DOCK8: variants seen among roughly 807,000 people sequenced by gnomAD.
DOCK8 encodes dedicator of cytokinesis 8, also known as dedicator of cytokinesis protein 8.
In DOCK8, 141 loss-of-function variants were observed where a neutral mutation model predicts 245.6. The observed-to-expected ratio is 0.57, with a 90% CI of 0.50 to 0.66. DOCK8 has a LOEUF of 0.66. Ranked by LOEUF, DOCK8 falls within the 30% of genes least tolerant of loss-of-function variation. The pLI, the probability that DOCK8 is intolerant of heterozygous loss-of-function variation, is 0.00. For missense variants in DOCK8, 2,965 were observed against 2,603.4 expected, an observed-to-expected ratio of 1.14 and a Z score of -3.02; for synonymous variants, 1,168 against 970.2, an observed-to-expected ratio of 1.20 and a Z score of -3.79.
At chr9:435,247 T>G (rs929861007) in intron 39 of DOCK8, among the ~76,000 whole-genome samples, 1 of 152,222 alleles carries the variant, frequency 6.6e-6, no homozygotes, top group Admixed American at 6.5e-5. Context: ...TACATTTGCT[T>G]CTTCTAATTG....
intron 14 of DOCK8, among the ~76,000 whole-genome samples, chr9:358,430 A>C (rs1351462424): frequency 6.6e-6 from 1 of 152,208 alleles, no homozygotes; most frequent in Non-Finnish European, 1.5e-5. Context: ...GCAGTTATAG[A>C]GGTTATATAA....
At chr9:246,036 A>G (rs1563837034) in intron 1 of DOCK8, among the ~76,000 whole-genome samples, 1 of 152,216 alleles carries the variant, frequency 6.6e-6, no homozygotes, top group South Asian at 2.1e-4. Context: ...CCTGGGCAAC[A>G]TGGTGAAACC....
chr9:434,108 A>G (rs2056813396), intron 38 of DOCK8, 133 bp downstream of exon 38: 4 of 711,484 alleles, frequency 5.6e-6, no homozygotes, highest in Non-Finnish European at 1.0e-5. Context: ...AATATATAGA[A>G]ATTAAACATT....
intron 5 of DOCK8, among the ~76,000 whole-genome samples, chr9:311,297 A>G (rs1013764200): frequency 1.3e-5 from 2 of 151,808 alleles, no homozygotes; most frequent in Non-Finnish European, 2.9e-5. Flanking sequence ...AAAAAAAAAA[A>G]AAGGTAATCA....
intron 1 of DOCK8, among the ~76,000 whole-genome samples, chr9:219,449 G>A (rs578062): frequency 0.18 from 26,849 of 151,900 alleles, 2,949 homozygotes; most frequent in East Asian, 0.33. Flanking sequence ...CAGCCTGGGC[G>A]ACAGAGTGAC....
At chr9:421,984 C>T in intron 32 of DOCK8, 64 bp from the exon 33 acceptor site, 1 of 1,401,402 alleles carries the variant, frequency 7.1e-7, no homozygotes, top group Admixed American at 1.7e-5. Context: ...TTGTTATGAA[C>T]TTCTGGTTAT....
At chr9:228,172 C>G (rs577875459) in intron 1 of DOCK8, among the ~76,000 whole-genome samples, 4 of 152,248 alleles carry the variant, frequency 2.6e-5, no homozygotes, top group African/African-American at 4.8e-5. Context: ...AAGGCCCCTA[C>G]AAGGCTGTGA....
chr9:400,355 CCTCCACCATCACCACCTCCTTCACCAT>C (rs2054843438), intron 26 of DOCK8, among the ~76,000 whole-genome samples: 3 of 68,182 alleles, frequency 4.4e-5, no homozygotes, highest in African/African-American at 1.3e-4. Context: ...ACCACCACCT[CCTCCACCATCACCACCTCCTTCACCAT>C]CACCATCACC....
In DOCK8 at chr9:357,136, G is replaced by A. The variant is rs143002888; in HGVS notation, c.1680-10882G>A. ...TTTCTAAAAGATAGCATTCTTGAGGGTCTGCTTTATTTAGCAGAAGGAATG... is the reference window on the plus strand; with the variant it reads ...TTTCTAAAAGATAGCATTCTTGAGGATCTGCTTTATTTAGCAGAAGGAATG... On this transcript the variant is annotated intron_variant, in intron 14 of 47. Transcript: ENST00000432829. Among the ~76,000 whole-genome samples the A allele has an allele frequency of 5.5e-3, 832 of 152,260 alleles. 15 individuals carry two copies. The highest frequency in any genetic ancestry group is 0.019 in the African/African-American group (774 of 41,538).
chr9:308,379 G>T (rs1262261578), intron 5 of DOCK8, among the ~76,000 whole-genome samples: 2 of 152,142 alleles, frequency 1.3e-5, no homozygotes, highest in East Asian at 3.8e-4. Context: ...TACAAAAGTT[G>T]TTTGTTTTGA....
intron 14 of DOCK8, among the ~76,000 whole-genome samples, chr9:361,182 G>A (rs531542081): frequency 2.4e-4 from 36 of 152,168 alleles, no homozygotes; most frequent in Non-Finnish European, 4.1e-4. Context: ...AAAAGAGGCT[G>A]TGACAGAGGA....
chr9:343,705 C>T (rs939433363), intron 14 of DOCK8, among the ~76,000 whole-genome samples: 7 of 152,130 alleles, frequency 4.6e-5, no homozygotes, highest in African/African-American at 1.7e-4. Context: ...TCTCAGGATG[C>T]AGTAGTTTCG....
intron 22 of DOCK8, among the ~76,000 whole-genome samples, chr9:386,127 G>A (rs951571996): frequency 7.9e-5 from 12 of 152,252 alleles, no homozygotes; most frequent in African/African-American, 1.2e-4. Flanking sequence ...AACTATTAAC[G>A]GGTGTTGTCT....
intron 1 of DOCK8, among the ~76,000 whole-genome samples, chr9:270,003 G>T (rs769577327): frequency 6.6e-6 from 1 of 152,088 alleles, no homozygotes; most frequent in Non-Finnish European, 1.5e-5. Flanking sequence ...CAGCATATGC[G>T]TGCTCCAGTT....
chr9:279,524 A>C (rs2048490664), intron 2 of DOCK8, among the ~76,000 whole-genome samples: 1 of 152,206 alleles, frequency 6.6e-6, no homozygotes, highest in Non-Finnish European at 1.5e-5. Context: ...ACGAACTGTC[A>C]CAATTTGCCT....
chr9:415,789 G>T (rs1369934375), intron 29 of DOCK8, among the ~76,000 whole-genome samples: 1 of 152,056 alleles, frequency 6.6e-6, no homozygotes, highest in African/African-American at 2.4e-5. Flanking sequence ...TGCTCTCTTG[G>T]CAGCTGAAGG....
At chr9:294,984 A>T (rs1164083702) in intron 4 of DOCK8, among the ~76,000 whole-genome samples, 2 of 152,096 alleles carry the variant, frequency 1.3e-5, no homozygotes, top group Non-Finnish European at 2.9e-5. Context: ...ACATGGTGAA[A>T]CCCCGTCTCT....
intron 14 of DOCK8, among the ~76,000 whole-genome samples, chr9:344,509 G>A (rs1049292919): frequency 6.6e-6 from 1 of 151,868 alleles, no homozygotes. Context: ...AATCGAGTGA[G>A]GTCTGAACCC....
chr9:400,309 G>A (rs369485159), intron 26 of DOCK8, among the ~76,000 whole-genome samples: 1,665 of 7,038 alleles, frequency 0.24, 263 homozygotes, highest in Admixed American at 0.3. Context: ...CATCTTCACC[G>A]TCACCACCAC....
Sources: gnomAD v4.1 joint callset for allele counts (sites outside exome capture counted in the v4.1 genomes callset) on GRCh38, gnomAD v4.1.1 for gene constraint, MANE v1.5 for transcripts, NCBI Gene and HGNC (gene_info 2026-07-23, HGNC 2026-07-21) for gene names.